POC1A: variants seen among roughly 807,000 people sequenced by gnomAD.
The protein encoded by POC1A is POC1 centriolar protein A.
A neutral mutation model predicts 47.8 loss-of-function variants in POC1A; 34 were observed. The observed-to-expected ratio is 0.71, with a 90% CI of 0.54 to 0.95. The LOEUF (loss-of-function observed/expected upper bound fraction) is 0.95. Among genes scored for constraint, POC1A ranks in the 40% least tolerant of loss-of-function variants. The pLI is 0.00. For missense variants in POC1A, 466 were observed against 528.3 expected, an observed-to-expected ratio of 0.88 and a Z score of 1.16; for synonymous variants, 177 against 207.6, an observed-to-expected ratio of 0.85 and a Z score of 1.27.
intron 7 of POC1A, among the ~76,000 whole-genome samples, chr3:52,127,968 T>C (rs1169083808): frequency 6.6e-6 from 1 of 152,188 alleles, no homozygotes; most frequent in Non-Finnish European, 1.5e-5. Context: ...AATGCTAAGA[T>C]TACAGGCATG....
intron 9 of POC1A, among the ~76,000 whole-genome samples, chr3:52,119,004 G>GTTTT (rs10662992): frequency 0.017 from 2,472 of 146,768 alleles, 62 homozygotes; most frequent in African/African-American, 0.052. Flanking sequence ...AAGGCAAAAG[G>GTTTT]TTTTTTTTTT....
chr3:52,148,523 ACTAT>A (rs2107200889), intron 4 of POC1A, among the ~76,000 whole-genome samples: 1 of 152,364 alleles, frequency 6.6e-6, no homozygotes, highest in South Asian at 2.1e-4. Flanking sequence ...TAGAAGTAGG[ACTAT>A]CTGTCTGCAA....
intron 9 of POC1A, among the ~76,000 whole-genome samples, chr3:52,113,884 G>A (rs1299204580): frequency 6.6e-6 from 1 of 152,222 alleles, no homozygotes; most frequent in African/African-American, 2.4e-5. Flanking sequence ...ATGAAAGGGG[G>A]CATCTTATCT....
At chr3:52,108,893 G>A (rs747047757) in intron 9 of POC1A, among the ~76,000 whole-genome samples, 18 of 152,138 alleles carry the variant, frequency 1.2e-4, no homozygotes, top group Non-Finnish European at 2.2e-4. Context: ...GACAGCCAGT[G>A]CCCCCCAGCG....
chr3:52,150,166 G>C (rs918094138), intron 2 of POC1A, among the ~76,000 whole-genome samples, 179 bp from the exon 3 acceptor site: 1 of 152,210 alleles, frequency 6.6e-6, no homozygotes, highest in Non-Finnish European at 1.5e-5. Flanking sequence ...TGGAGGTGGA[G>C]AGCCTGTGGC....
intron 1 of POC1A, among the ~76,000 whole-genome samples, chr3:52,151,662 T>C (rs1025504584): frequency 6.7e-6 from 1 of 150,308 alleles, no homozygotes; most frequent in Admixed American, 6.6e-5. Flanking sequence ...GCAGGACTTG[T>C]ACAGTAAAGA....
chr3:52,143,913 T>C (rs1698280954), intron 6 of POC1A, among the ~76,000 whole-genome samples: 1 of 152,204 alleles, frequency 6.6e-6, no homozygotes, highest in Non-Finnish European at 1.5e-5. Context: ...AAGGGGTACC[T>C]GCTGTTATAC....
Position 52,149,911 on chromosome 3 carries a change from G to A in POC1A, c.180C>T (p.His60=). The A allele has an allele frequency of 1.2e-6, 2 of 1,613,996 alleles. No homozygotes were observed. The highest frequency in any genetic ancestry group is 2.2e-5 in the South Asian group (2 of 91,088). The stretch of plus-strand genomic sequence containing the variant: ...AGTTCACACAGGTGACGGCATCCTT[G>A]TGGCCAGTGAAGCGGTAGGCGCGTG... The part of the protein sequence containing the change: ...PQSRAYRFTG[H]KDAVTCVNFS... Residue 60 remains histidine (H), a synonymous_variant, in exon 3 of 11, where the codon CAC becomes CAT. Transcript: ENST00000296484.
chr3:52,116,068 C>T (rs1703552700), intron 9 of POC1A, among the ~76,000 whole-genome samples: 1 of 152,132 alleles, frequency 6.6e-6, no homozygotes, highest in Non-Finnish European at 1.5e-5. Flanking sequence ...AAATGGGTCT[C>T]CTCTCCCTGT....
chr3:52,149,306 G>A lies in POC1A; in HGVS notation c.359C>T (p.Thr120Ile), dbSNP rs753886821. Residue 120 changes from threonine to isoleucine, a missense_variant, in exon 4 of 11, where the codon ACA becomes ATA. Thr to Ile is a moderately conservative substitution (Grantham distance 89, BLOSUM62 -1). Transcript: ENST00000296484. Reference sequence around the variant, plus strand: ...TTTGACTGTCTTGTCGTCAGAGGCTGTCACGAAGGACTGGCCATCACTGCA... The same window carrying A: ...TTTGACTGTCTTGTCGTCAGAGGCTATCACGAAGGACTGGCCATCACTGCA... Reference protein sequence around the residue: ...HFCSDGQSFVTASDDKTVKVW... With the variant: ...HFCSDGQSFVIASDDKTVKVW... 1.9e-6 allele frequency: 3 copies of A among 1,614,164 alleles called. No homozygotes were observed. Among genetic ancestry groups the A allele is most frequent in the East Asian group, 2.2e-5 (1 of 44,888 alleles).
At chr3:52,093,802 A>C (rs1702720266) in intron 10 of POC1A, among the ~76,000 whole-genome samples, 1 of 152,218 alleles carries the variant, frequency 6.6e-6, no homozygotes, top group South Asian at 2.1e-4. Flanking sequence ...CCTGACCCTC[A>C]GACTGGTGCC....
Position 52,096,614 on chromosome 3 carries a change from A to G in POC1A, c.1080T>C (p.Thr360=). 1 of 1,611,644 alleles carries G rather than the reference A, an allele frequency of 6.2e-7. No individual in the cohort carries two copies. Among genetic ancestry groups the G allele is most frequent in the Non-Finnish European group, 8.5e-7 (1 of 1,178,904 alleles). The part of the protein sequence containing the change: ...QEPVSVPQTL[T]STLEHIVGQL... Reference sequence around the variant, plus strand: ...GGCCCACAATGTGCTCCAGCGTGCTAGTCAGTGTCTGGGGCACACTCACGG... The same window carrying G: ...GGCCCACAATGTGCTCCAGCGTGCTGGTCAGTGTCTGGGGCACACTCACGG... Residue 360 remains threonine (T), a synonymous_variant, in exon 10 of 11, where the codon ACT becomes ACC. Transcript: ENST00000296484.
chr3:52,140,424 G>T (rs2107169436), intron 6 of POC1A, among the ~76,000 whole-genome samples: 1 of 152,304 alleles, frequency 6.6e-6, no homozygotes, highest in South Asian at 2.1e-4. Context: ...AGCAGAAGCT[G>T]CCAGAGGAAC....
At chr3:52,147,876 C>T (rs1698420199) in intron 4 of POC1A, among the ~76,000 whole-genome samples, 1 of 152,222 alleles carries the variant, frequency 6.6e-6, no homozygotes, top group South Asian at 2.1e-4. Flanking sequence ...TAGCCCCTCT[C>T]CCATCCCAAC....
intron 9 of POC1A, 82 bp from the exon 10 acceptor site, chr3:52,096,794 G>A (rs915892256): frequency 1.2e-5 from 15 of 1,295,328 alleles, no homozygotes; most frequent in Non-Finnish European, 1.4e-5. Context: ...TCCAAAGGAT[G>A]AAAGGGAAAA....
rs1207203196 is a variant in POC1A at position 52,089,902 on chromosome 3, T to C, written c.1125+6667A>G. 2.8e-5 allele frequency among the ~76,000 whole-genome samples: 4 copies of C among 144,798 alleles called. No homozygotes were observed. The East Asian group carries it at 8.1e-4, about 29-fold the overall frequency. 95.0% of individuals were successfully genotyped at this position (144,798 alleles called of 152,430 possible). A position where few individuals can be genotyped will look rare whatever the true frequency, so the allele number is the denominator to read the frequency against. On this transcript the variant is annotated intron_variant, in intron 10 of 10. Coordinates refer to ENST00000296484, the MANE Select transcript of POC1A (RefSeq NM_015426.5). ...CAGGCACTGCCAACTTCCCCACCAGTGTGGAACCAGATGCCTCACCTGAGC... is the reference window on the plus strand; with the variant it reads ...CAGGCACTGCCAACTTCCCCACCAGCGTGGAACCAGATGCCTCACCTGAGC...
chr3:52,094,742 G>C (rs1479159739), intron 10 of POC1A, among the ~76,000 whole-genome samples: 1 of 152,236 alleles, frequency 6.6e-6, no homozygotes, highest in Non-Finnish European at 1.5e-5. Context: ...CAAAGCAGGT[G>C]ACTGGCTGAT....
At chr3:52,139,747 G>A (rs958810295) in intron 6 of POC1A, among the ~76,000 whole-genome samples, 26 of 152,196 alleles carry the variant, frequency 1.7e-4, no homozygotes, top group African/African-American at 5.8e-4. Context: ...AAAGTGGTTG[G>A]TGAGCAGGTG....
chr3:52,122,522 C>T, intron 8 of POC1A, 45 bp from the exon 9 acceptor site: 1 of 1,181,878 alleles, frequency 8.5e-7, no homozygotes, highest in South Asian at 1.2e-5. Context: ...AGAAAATCCC[C>T]TTGCCAGTCC....
Sources: allele counts gnomAD v4.1 joint callset (sites outside exome capture counted in the v4.1 genomes callset), GRCh38; gene constraint gnomAD v4.1.1; transcripts MANE v1.5; gene names NCBI Gene and HGNC (gene_info 2026-07-23, HGNC 2026-07-21).